ZNF43: variants seen among roughly 807,000 people sequenced by gnomAD.
ZNF43 encodes the protein zinc finger protein 43, also known as zinc finger protein 39-like 1 (KOX 27).
ZNF43 carries 44 observed loss-of-function variants against 68.4 expected under a neutral mutation model. That is an observed-to-expected ratio of 0.64 (90% CI 0.51 to 0.83). The LOEUF (loss-of-function observed/expected upper bound fraction) is 0.83. ZNF43 is among the 40% of genes least tolerant of loss of function. The pLI, the probability that ZNF43 is intolerant of heterozygous loss-of-function variation, is 0.00. For missense variants in ZNF43, 896 were observed against 933.2 expected (o/e 0.96, Z 0.52); for synonymous variants, 308 against 307.8 (o/e 1.00, Z -0.01).
rs749354553 is a variant in ZNF43, at chr19:21,808,195, T to G, written c.1842A>C (p.Lys614Asn). The stretch of plus-strand genomic sequence containing the variant: ...TGTAGGGTTTTCCTCCAGTATGAAT[T>G]TTTTTATGTGTAGTAAGGTTTGAAG... Reference protein sequence around the residue: ...TQSSNLTTHKKIHTGGKPYKC... With the variant: ...TQSSNLTTHKNIHTGGKPYKC... Residue 614 changes from lysine to asparagine, a missense_variant, in exon 4 of 4, where the codon AAA becomes AAC. Lys to Asn is a moderately conservative substitution (Grantham distance 94). Transcript: ENST00000354959. 3.7e-6 allele frequency: 6 copies of G among 1,612,884 alleles called. No individual in the cohort carries two copies. The African/African-American group carries it at 8.0e-5, about 22-fold the overall frequency.
upstream of ZNF43, chr19:21,838,690 G>GCAC (rs755931734): frequency 2.6e-5 from 4 of 152,086 alleles, no homozygotes; most frequent in Admixed American, 1.3e-4. Context: ...GTAAGCCACC[G>GCAC]CACCCAGGGT....
intron 1 of ZNF43, chr19:21,841,551 C>T (rs1027962758): frequency 6.6e-6 from 1 of 152,262 alleles, no homozygotes; most frequent in Non-Finnish European, 1.5e-5. Context: ...TTTCTCTGGG[C>T]ATGGTGCAGA....
chr19:21,839,051 C>T (rs937729090), upstream of ZNF43: 1 of 151,968 alleles, frequency 6.6e-6, no homozygotes, highest in Non-Finnish European at 1.5e-5. Context: ...CTTCCCACCC[C>T]CTAGATGTTG....
At chr19:21,834,173 A>G (rs2038568678) in intron 1 of ZNF43, among the ~76,000 whole-genome samples, 1 of 151,774 alleles carries the variant, frequency 6.6e-6, no homozygotes, top group Non-Finnish European at 1.5e-5. Flanking sequence ...CCTTGTCTCT[A>G]ACAAAAATAC....
chr19:21,822,400 G>A (rs2037896916), intron 1 of ZNF43, among the ~76,000 whole-genome samples: 1 of 152,110 alleles, frequency 6.6e-6, no homozygotes, highest in African/African-American at 2.4e-5. Context: ...ATGCTTCCAC[G>A]CAGAATCTGA....
chr19:21,836,296 A>C, upstream of ZNF43: 8 of 1,246,918 alleles, frequency 6.4e-6, no homozygotes, highest in African/African-American at 1.5e-5. Context: ...TGCCCCCGCA[A>C]ACCCTGAATG....
chr19:21,834,941 TA>T (rs35243760), intron 1 of ZNF43, among the ~76,000 whole-genome samples: 2,309 of 131,964 alleles, frequency 0.017, 57 homozygotes, highest in East Asian at 0.13. Flanking sequence ...AAATGTACAC[TA>T]AAAAAAAAAA....
At chr19:21,822,746 A>G (rs538299511) in intron 1 of ZNF43, among the ~76,000 whole-genome samples, 1 of 152,154 alleles carries the variant, frequency 6.6e-6, no homozygotes, top group East Asian at 1.9e-4. Flanking sequence ...CGGAGCTTAC[A>G]GTGAGCCGAG....
chr19:21,831,910 C>T (rs368841464), intron 1 of ZNF43, among the ~76,000 whole-genome samples: 1 of 152,084 alleles, frequency 6.6e-6, no homozygotes, highest in South Asian at 2.1e-4. Flanking sequence ...ATGGAAAACC[C>T]GTTTATGCTC....
chr19:21,852,029 C>A (rs949601155), exon 1 of ZNF43: 3 of 1,393,736 alleles, frequency 2.2e-6, no homozygotes, highest in Non-Finnish European at 2.9e-6. Flanking sequence ...CGCGGAAAAG[C>A]AGAGGCGGGT....
At chr19:21,817,271 T>C (rs1191520588) in intron 3 of ZNF43, among the ~76,000 whole-genome samples, 1 of 149,684 alleles carries the variant, frequency 6.7e-6, no homozygotes, top group Non-Finnish European at 1.5e-5. Flanking sequence ...ATAAATTTAA[T>C]AAACTTTCTA....
chr19:21,817,365 A>G (rs2037578711), intron 3 of ZNF43, among the ~76,000 whole-genome samples: 1 of 152,230 alleles, frequency 6.6e-6, no homozygotes, highest in Non-Finnish European at 1.5e-5. Context: ...CTTTGAACAA[A>G]GCAATCTTGA....
chr19:21,851,773 T>C (rs1968387758), intron 1 of ZNF43: 11 of 960,688 alleles, frequency 1.1e-5, no homozygotes, highest in Non-Finnish European at 1.6e-5. Flanking sequence ...CCAGCCGCCA[T>C]CTTGCGGCCA....
chr19:21,810,431 G>A (rs2037220673), intron 3 of ZNF43, among the ~76,000 whole-genome samples: 1 of 152,100 alleles, frequency 6.6e-6, no homozygotes. Flanking sequence ...TCATTCATGA[G>A]GAATTCACCT....
At chr19:21,828,934 G>A (rs1483500587) in intron 1 of ZNF43, among the ~76,000 whole-genome samples, 1 of 148,022 alleles carries the variant, frequency 6.8e-6, no homozygotes, top group Non-Finnish European at 1.5e-5. Flanking sequence ...TTGGGAGGCT[G>A]AGCCAGGAGA....
intron 1 of ZNF43, chr19:21,826,877 T>G (rs1431245771): frequency 6.6e-6 from 1 of 151,684 alleles, no homozygotes; most frequent in African/African-American, 2.4e-5. Flanking sequence ...TGAGTTCAGA[T>G]GATGATAACT....
Position 21,807,645 on chromosome 19 carries a change from T to C in ZNF43, c.2392A>G (p.Ile798Val), listed in dbSNP as rs750497530. ...GAAAAAGTTTGAGGTGTTGTCAAAA[T>C]CACTGTCACATCTTCAGGTTTGTAG... The part of the protein sequence containing the change: ...KLYKPEDVTV[I>V]LTTPQTFSNI... The change falls in exon 4 of 4, where the codon ATT (isoleucine) becomes GTT (valine). Residue 798 changes from isoleucine (I) to valine (V), a missense_variant. Ile to Val is a conservative substitution (Grantham distance 29). Coordinates refer to ENST00000354959, the MANE Select transcript of ZNF43 (RefSeq NM_003423.4). 4 of 1,565,076 alleles carry C rather than the reference T, an allele frequency of 2.6e-6. No homozygotes were observed. In the South Asian group the frequency reaches 4.8e-5, roughly 19 times the overall value.
chr19:21,838,650 T>C (rs1323627027), upstream of ZNF43, among the ~76,000 whole-genome samples: 4 of 152,180 alleles, frequency 2.6e-5, no homozygotes. Context: ...TTCGCCCGCC[T>C]TGGCCTCCCA....
At chr19:21,832,817 A>ATTG (rs1272625861) in intron 1 of ZNF43, among the ~76,000 whole-genome samples, 1 of 152,178 alleles carries the variant, frequency 6.6e-6, no homozygotes, top group Non-Finnish European at 1.5e-5. Context: ...GTGAGCCGAG[A>ATTG]TTGTGCCACT....
Sources: allele counts gnomAD v4.1 joint callset (sites outside exome capture counted in the v4.1 genomes callset), GRCh38; gene constraint gnomAD v4.1.1; transcripts MANE v1.5; gene names NCBI Gene and HGNC (gene_info 2026-07-23, HGNC 2026-07-21).